Variants in NAALADL2 observed in about 807,000 individuals in gnomAD.
NAALADL2 encodes inactive N-acetylated-alpha-linked acidic dipeptidase-like protein 2.
In NAALADL2, 76 loss-of-function variants were observed where a neutral mutation model predicts 87.2. The ratio of observed to expected loss-of-function variants is 0.87; its 90% CI spans 0.72 to 1.05. The LOEUF (loss-of-function observed/expected upper bound fraction) is 1.05, where lower values mean the gene tolerates loss of function less well. Ranked by LOEUF, NAALADL2 falls within the 50% of genes least tolerant of loss-of-function variation. The probability of loss-of-function intolerance (pLI) is 0.00; values close to 1 mark genes in which losing one functional copy is unlikely to be tolerated. For synonymous variants in NAALADL2, 354 were observed against 331.0 expected (o/e 1.07, Z -0.75); for missense variants, 1,089 against 945.8 (o/e 1.15, Z -1.99).
chr3:174,995,226 A>T (rs62286239), intron 1 of NAALADL2, among the ~76,000 whole-genome samples: 1 of 152,060 alleles, frequency 6.6e-6, no homozygotes, highest in African/African-American at 2.4e-5. Context: ...TAATTTACAC[A>T]ATGTAGACTA....
intron 2 of NAALADL2, among the ~76,000 whole-genome samples, chr3:174,600,227 A>T (rs1258159507): frequency 2.0e-5 from 3 of 152,092 alleles, no homozygotes. Context: ...GATAATATAG[A>T]TTTGGAAATT....
chr3:175,372,332 T>G (rs1766611932), intron 5 of NAALADL2, among the ~76,000 whole-genome samples: 1 of 152,224 alleles, frequency 6.6e-6, no homozygotes, highest in Non-Finnish European at 1.5e-5. Flanking sequence ...ATTCTCTATA[T>G]CTACCTAGTA....
intron 1 of NAALADL2, among the ~76,000 whole-genome samples, chr3:174,527,851 C>T (rs1720903109): frequency 6.6e-6 from 1 of 152,128 alleles, no homozygotes; most frequent in South Asian, 2.1e-4. Flanking sequence ...CCCTTTCTTG[C>T]TATTTCGTAT....
chr3:175,787,890 TTTA>T (rs1752281602), intron 13 of NAALADL2, among the ~76,000 whole-genome samples: 1 of 152,216 alleles, frequency 6.6e-6, no homozygotes, highest in Non-Finnish European at 1.5e-5. Context: ...CTAAGGCTAA[TTTA>T]TTATTGAAGA....
intron 2 of NAALADL2, among the ~76,000 whole-genome samples, chr3:175,226,267 T>C (rs1487195889): frequency 2.6e-5 from 4 of 152,154 alleles, no homozygotes; most frequent in Non-Finnish European, 5.9e-5. Context: ...TTCTTCTTCT[T>C]TGTTCAGATG....
chr3:174,899,554 C>T (rs1406113828), intron 1 of NAALADL2, among the ~76,000 whole-genome samples: 10 of 152,154 alleles, frequency 6.6e-5, no homozygotes, highest in African/African-American at 2.4e-4. Context: ...GTGTCTGCTT[C>T]CCCTTTGCCT....
At chr3:175,042,355 A>G (rs1754178044) in intron 1 of NAALADL2, among the ~76,000 whole-genome samples, 1 of 152,172 alleles carries the variant, frequency 6.6e-6, no homozygotes, top group African/African-American at 2.4e-5. Flanking sequence ...ATCAATGAAC[A>G]TTTAGGTTGT....
chr3:175,701,619 G>GT (rs1207321667), intron 11 of NAALADL2, among the ~76,000 whole-genome samples: 1 of 152,006 alleles, frequency 6.6e-6, no homozygotes, highest in African/African-American at 2.4e-5. Flanking sequence ...CATGTTAAAC[G>GT]TATCAAGCAG....
chr3:175,722,966 G>T (rs62284556), intron 11 of NAALADL2, among the ~76,000 whole-genome samples: 12,002 of 152,104 alleles, frequency 0.079, 495 homozygotes, highest in Middle Eastern at 0.095. Context: ...GGATCTAAAC[G>T]TACAAAGCTC....
At chr3:175,360,862 C>A (rs998853066) in intron 5 of NAALADL2, among the ~76,000 whole-genome samples, 5 of 142,398 alleles carry the variant, frequency 3.5e-5, no homozygotes, top group Admixed American at 1.4e-4. Flanking sequence ...CTCACAATTT[C>A]TTTTTTTTTA....
chr3:175,018,941 A>C (rs1751210164), intron 1 of NAALADL2, among the ~76,000 whole-genome samples: 1 of 152,060 alleles, frequency 6.6e-6, no homozygotes, highest in African/African-American at 2.4e-5. Flanking sequence ...GTAAGTGTTC[A>C]TAGTGAAGCA....
intron 1 of NAALADL2, among the ~76,000 whole-genome samples, chr3:175,053,371 C>T (rs1755669868): frequency 6.6e-6 from 1 of 152,174 alleles, no homozygotes; most frequent in Non-Finnish European, 1.5e-5. Flanking sequence ...AGGTTTTCTT[C>T]CGCCATCTGT....
At chr3:175,264,246 T>C (rs1334801612) in intron 4 of NAALADL2, among the ~76,000 whole-genome samples, 1 of 151,890 alleles carries the variant, frequency 6.6e-6, no homozygotes, top group African/African-American at 2.4e-5. Flanking sequence ...TTTTATTTTT[T>C]GGTTTTCAAA....
At chr3:175,321,902 G>T (rs1759934445) in intron 4 of NAALADL2, among the ~76,000 whole-genome samples, 1 of 143,854 alleles carries the variant, frequency 7.0e-6, no homozygotes, top group South Asian at 2.3e-4. Context: ...CGTGAAAATG[G>T]CCATACTGCC....
intron 1 of NAALADL2, among the ~76,000 whole-genome samples, chr3:174,885,214 T>C (rs925797647): frequency 6.6e-6 from 1 of 152,188 alleles, no homozygotes; most frequent in African/African-American, 2.4e-5. Flanking sequence ...AGGCTGTGCA[T>C]GCACCTTTCA....
chr3:175,438,385 G>A (rs1410633341), intron 5 of NAALADL2, among the ~76,000 whole-genome samples: 2 of 152,008 alleles, frequency 1.3e-5, no homozygotes, highest in African/African-American at 2.4e-5. Flanking sequence ...TAAATTTAGT[G>A]AGCTAAAATA....
At chr3:175,762,792 A>C (rs888373691) in intron 13 of NAALADL2, among the ~76,000 whole-genome samples, 1 of 152,196 alleles carries the variant, frequency 6.6e-6, no homozygotes, top group Non-Finnish European at 1.5e-5. Flanking sequence ...AGTTAAGAAA[A>C]GAGTAAATAA....
chr3:175,326,102 C>T (rs1013936833), intron 5 of NAALADL2, among the ~76,000 whole-genome samples: 1 of 152,194 alleles, frequency 6.6e-6, no homozygotes, highest in Non-Finnish European at 1.5e-5. Context: ...CACTTTGCTG[C>T]TTAGATATAT....
intron 10 of NAALADL2, among the ~76,000 whole-genome samples, chr3:175,625,695 A>C (rs1473069544): frequency 4.6e-5 from 7 of 152,008 alleles, no homozygotes; most frequent in African/African-American, 1.7e-4. Flanking sequence ...GTAGCCTCAA[A>C]TAAACCTGGG....
Sources: gnomAD v4.1 joint callset for allele counts (sites outside exome capture counted in the v4.1 genomes callset) on GRCh38, gnomAD v4.1.1 for gene constraint, MANE v1.5 for transcripts, NCBI Gene and HGNC (gene_info 2026-07-23, HGNC 2026-07-21) for gene names.